MRAS: variants seen among roughly 807,000 people sequenced by gnomAD.
MRAS encodes the protein muscle RAS oncogene homolog, also known as ras-related protein M-Ras.
Under a neutral mutation model 20.9 loss-of-function variants are expected in MRAS, and 4 were observed. That is an observed-to-expected ratio of 0.19 (90% CI 0.09 to 0.44). MRAS has a LOEUF of 0.44. Among genes scored for constraint, MRAS ranks in the 20% least tolerant of loss-of-function variants. The pLI is 0.99. For synonymous variants in MRAS, 98 were observed against 102.9 expected, an observed-to-expected ratio of 0.95 and a Z score of 0.29; for missense variants, 154 against 277.5, an observed-to-expected ratio of 0.56 and a Z score of 3.16.
intron 1 of MRAS, among the ~76,000 whole-genome samples, chr3:138,355,825 A>G (rs1368964936): frequency 1.3e-5 from 2 of 152,194 alleles, no homozygotes; most frequent in African/African-American, 4.8e-5. Flanking sequence ...GAGCTACTCC[A>G]GAGGCCAAGG....
At chr3:138,350,179 A>C (rs1030300612) in intron 1 of MRAS, 1 of 152,236 alleles carries the variant, frequency 6.6e-6, no homozygotes, top group Admixed American at 6.5e-5. Context: ...ACTTTCTCGG[A>C]TACGGTTCTT....
chr3:138,388,585 G>A (rs993417175), intron 2 of MRAS, among the ~76,000 whole-genome samples: 22 of 152,066 alleles, frequency 1.4e-4, no homozygotes, highest in African/African-American at 5.3e-4. Context: ...TGTAATTCCA[G>A]CTACTTGGGA....
intron 2 of MRAS, among the ~76,000 whole-genome samples, chr3:138,383,808 G>T (rs999830618): frequency 6.6e-6 from 1 of 152,210 alleles, no homozygotes; most frequent in Non-Finnish European, 1.5e-5. Flanking sequence ...GGGGTGAGGG[G>T]ACAGAGCATA....
At chr3:138,397,603 C>G (rs1284916941) in intron 3 of MRAS, 126 bp downstream of exon 3, 3 of 1,155,710 alleles carry the variant, frequency 2.6e-6, no homozygotes, top group Non-Finnish European at 3.6e-6. Context: ...TTTTTTTAAG[C>G]CTTATGTGGA....
At chr3:138,358,684 A>G (rs998444053) in intron 1 of MRAS, among the ~76,000 whole-genome samples, 26 of 152,394 alleles carry the variant, frequency 1.7e-4, no homozygotes, top group Non-Finnish European at 3.7e-4. Context: ...GTGACGGTCT[A>G]GTGGGGAAGA....
chr3:138,379,656 C>A (rs1288608350), intron 2 of MRAS, among the ~76,000 whole-genome samples: 2 of 152,212 alleles, frequency 1.3e-5, no homozygotes, highest in Non-Finnish European at 2.9e-5. Context: ...CTGCGCCCAG[C>A]CTCATTCTTT....
chr3:138,366,833 T>G (rs912151308), intron 1 of MRAS, among the ~76,000 whole-genome samples: 6 of 152,288 alleles, frequency 3.9e-5, no homozygotes, highest in African/African-American at 1.4e-4. Flanking sequence ...AGGACACTGC[T>G]TTGGAAGTGA....
chr3:138,359,801 G>A (rs73227583), intron 1 of MRAS, among the ~76,000 whole-genome samples: 4,016 of 152,296 alleles, frequency 0.026, 83 homozygotes, highest in Non-Finnish European at 0.04. Context: ...AAGGCAGTGC[G>A]AAGAGTTGTC....
intron 2 of MRAS, among the ~76,000 whole-genome samples, chr3:138,380,281 C>A (rs956365022): frequency 2.0e-5 from 3 of 151,170 alleles, no homozygotes; most frequent in Non-Finnish European, 2.9e-5. Context: ...CCCCATTTTC[C>A]CCTCTCCTCA....
chr3:138,385,127 G>A (rs1340338742), intron 2 of MRAS, among the ~76,000 whole-genome samples: 1 of 150,504 alleles, frequency 6.6e-6, no homozygotes, highest in Non-Finnish European at 1.5e-5. Context: ...AGGGAGAGGT[G>A]AGGCCAAGGG....
At chr3:138,359,854 G>A (rs539867540) in intron 1 of MRAS, among the ~76,000 whole-genome samples, 1 of 152,376 alleles carries the variant, frequency 6.6e-6, no homozygotes, top group East Asian at 1.9e-4. Context: ...GTGTGCTCAA[G>A]AAGGATGGGT....
intron 3 of MRAS, 70 bp from the exon 4 acceptor site, chr3:138,398,399 A>G (rs2055286191): frequency 7.6e-7 from 1 of 1,319,358 alleles, no homozygotes; most frequent in African/African-American, 1.4e-5. Context: ...CTGAGATGTG[A>G]ATGTGCCACC....
At chr3:138,384,734 C>G (rs75714288) in intron 2 of MRAS, among the ~76,000 whole-genome samples, 1 of 151,910 alleles carries the variant, frequency 6.6e-6, no homozygotes, top group Non-Finnish European at 1.5e-5. Flanking sequence ...AATGTGACTG[C>G]GGTTAGAGAA....
At position 138,373,072 on chromosome 3, in the gene MRAS, G is replaced by T; in HGVS notation, c.189G>T (p.Leu63Phe). 2 of 1,473,544 alleles carry T rather than the reference G, an allele frequency of 1.4e-6. No homozygotes were observed. Among genetic ancestry groups the T allele is most frequent in the Non-Finnish European group, 1.8e-6 (2 of 1,111,900 alleles). The allele number at this position is 1,473,544 out of a possible 1,614,324, so 91.3% of individuals were successfully genotyped here. A position where few individuals can be genotyped will look rare whatever the true frequency, so the allele number is the denominator to read the frequency against. ...HTEIDNQWAILDVLDTAGQEE... is the reference protein window; with the variant it reads ...HTEIDNQWAIFDVLDTAGQEE... ...AGATTGACAATCAATGGGCCATCTT[G>T]GACGGTGAGACCTGGGTGGCAGCCC... The change falls in exon 2 of 6, where the codon TTG (leucine) becomes TTT (phenylalanine). Residue 63 changes from leucine (L) to phenylalanine (F), a missense_variant. Leu to Phe is a conservative substitution (Grantham distance 22). Around this residue, in one of 3 missense-constraint regions of MRAS, gnomAD observed 125 missense variants for 213.5 expected, o/e 0.59. Transcript: ENST00000423968.
chr3:138,395,895 T>C (rs143339450), intron 2 of MRAS, among the ~76,000 whole-genome samples: 4 of 152,324 alleles, frequency 2.6e-5, no homozygotes, highest in Admixed American at 2.0e-4. Context: ...TCAAGTACTG[T>C]TCGGGGCTAC....
chr3:138,352,829 C>G (rs2054255048), intron 1 of MRAS, among the ~76,000 whole-genome samples: 1 of 152,086 alleles, frequency 6.6e-6, no homozygotes, highest in African/African-American at 2.4e-5. Context: ...TGGTTCTGGC[C>G]TCTGTGACCA....
chr3:138,372,428 C>T (rs2054694250), intron 1 of MRAS, among the ~76,000 whole-genome samples: 1 of 152,152 alleles, frequency 6.6e-6, no homozygotes, highest in Admixed American at 6.5e-5. Context: ...CCTTTCTAAG[C>T]TTAGACACAG....
chr3:138,397,297 C>T (rs771941237), intron 2 of MRAS, 27 bp from the exon 3 acceptor site: 3 of 1,611,494 alleles, frequency 1.9e-6, no homozygotes, highest in Non-Finnish European at 2.5e-6. Context: ...GTGAGGACAG[C>T]CCCTGAGTGG....
intron 1 of MRAS, among the ~76,000 whole-genome samples, chr3:138,363,105 C>T (rs541466291): frequency 3.9e-4 from 59 of 151,904 alleles, no homozygotes; most frequent in African/African-American, 1.3e-3. Context: ...GGCATGATCT[C>T]GGCCCACAGC....
Sources: gnomAD v4.1 joint callset for allele counts (sites outside exome capture counted in the v4.1 genomes callset) on GRCh38, gnomAD v4.1.1 for gene constraint, gnomAD v4.1.1 regional missense constraint, MANE v1.5 for transcripts, NCBI Gene and HGNC (gene_info 2026-07-23, HGNC 2026-07-21) for gene names.